The following SCEL variants were observed in gnomAD, a reference collection of about 807,000 sequenced individuals.
SCEL encodes the protein sciellin.
A neutral mutation model predicts 117.6 loss-of-function variants in SCEL; 113 were observed. The observed-to-expected ratio is 0.96, with a 90% CI of 0.83 to 1.12. The LOEUF (loss-of-function observed/expected upper bound fraction) is 1.12, where lower values mean the gene tolerates loss of function less well. SCEL is among the 50% of genes most tolerant of loss of function. The pLI, the probability that SCEL is intolerant of heterozygous loss-of-function variation, is 0.00. For synonymous variants in SCEL, 270 were observed against 256.2 expected, an observed-to-expected ratio of 1.05 and a Z score of -0.51; for missense variants, 785 against 810.8, an observed-to-expected ratio of 0.97 and a Z score of 0.39.
chr13:77,609,708 C>T (rs2088496718), intron 21 of SCEL, among the ~76,000 whole-genome samples: 1 of 152,208 alleles, frequency 6.6e-6, no homozygotes, highest in African/African-American at 2.4e-5. Context: ...TTCTGTGTCT[C>T]AGTTATTCCC....
At chr13:77,598,645 C>T (rs2087418227) in intron 13 of SCEL, among the ~76,000 whole-genome samples, 1 of 152,182 alleles carries the variant, frequency 6.6e-6, no homozygotes, top group African/African-American at 2.4e-5. Context: ...GACAGCAGGG[C>T]ATTCTCAGGA....
At chr13:77,644,109 C>A in intron 32 of SCEL, 149 bp from the exon 33 acceptor site, 1 of 808,498 alleles carries the variant, frequency 1.2e-6, no homozygotes, top group Non-Finnish European at 2.0e-6. Context: ...CACAGTATGA[C>A]CAAAAGCCAC....
intron 23 of SCEL, among the ~76,000 whole-genome samples, 181 bp from the exon 24 acceptor site, chr13:77,613,712 T>A (rs559681917): frequency 6.3e-4 from 96 of 152,068 alleles, no homozygotes; most frequent in African/African-American, 2.2e-3. Context: ...GGCGGTGGTA[T>A]TAATATTGAT....
chr13:77,594,999 G>T (rs1231023978), intron 12 of SCEL, among the ~76,000 whole-genome samples: 1 of 152,072 alleles, frequency 6.6e-6, no homozygotes, highest in East Asian at 1.9e-4. Flanking sequence ...TAATTTTATT[G>T]ATTTATTTCT....
Position 77,642,813 on chromosome 13 carries a change from G to C in SCEL, c.2050+5G>C. On this transcript the variant is annotated splice_donor_5th_base_variant and intron_variant, in intron 32 of 32. Transcript: ENST00000349847. ...CTTGCTACTCTAAAATTATGGGTAAGTGTTACACTCTAAGCATTTAACACT... is the reference window on the plus strand; with the variant it reads ...CTTGCTACTCTAAAATTATGGGTAACTGTTACACTCTAAGCATTTAACACT... 1 of 1,504,312 alleles carries C rather than the reference G, an allele frequency of 6.6e-7. No homozygotes were observed. Among genetic ancestry groups the C allele is most frequent in the Non-Finnish European group, 9.1e-7 (1 of 1,093,128 alleles). The allele number at this position is 1,504,312 out of a possible 1,614,324, so 93.2% of individuals were successfully genotyped here. A position where few individuals can be genotyped will look rare whatever the true frequency, so the allele number is the denominator to read the frequency against.
chr13:77,619,414 C>T (rs1338979043), intron 27 of SCEL, among the ~76,000 whole-genome samples: 1 of 152,168 alleles, frequency 6.6e-6, no homozygotes, highest in Non-Finnish European at 1.5e-5. Flanking sequence ...AAAGAAAGTA[C>T]ACCCTGGACT....
intron 8 of SCEL, among the ~76,000 whole-genome samples, chr13:77,571,302 T>C (rs2085601192): frequency 7.0e-6 from 1 of 143,614 alleles, no homozygotes; most frequent in Non-Finnish European, 1.5e-5. Flanking sequence ...GGCAGCAGAA[T>C]CGCGGAGGGC....
At chr13:77,599,600 G>A (rs1322485946) in intron 14 of SCEL, 89 bp from the exon 15 acceptor site, 1 of 1,019,646 alleles carries the variant, frequency 9.8e-7, no homozygotes, top group African/African-American at 1.6e-5. Context: ...GCAATTCATG[G>A]AGAATGTTTA....
At position 77,629,730 on chromosome 13, in the gene SCEL, C is replaced by G. The variant is rs552565522; in HGVS notation, c.1691+1721C>G. 4.6e-5 allele frequency among the ~76,000 whole-genome samples: 7 copies of G among 152,214 alleles called. No homozygotes were observed. The East Asian group carries it at 1.4e-3, about 29-fold the overall frequency. ...ACTTCAGAATGAAGACCCAAAGATA[C>G]AGGGGAAATTGTCCATTTAATACTT... is the stretch of plus-strand genomic sequence containing the variant. On this transcript the variant is annotated intron_variant, in intron 28 of 32. Transcript: ENST00000349847.
chr13:77,537,104 T>G (rs969474714), intron 1 of SCEL, among the ~76,000 whole-genome samples: 4 of 152,218 alleles, frequency 2.6e-5, no homozygotes, highest in Non-Finnish European at 4.4e-5. Flanking sequence ...ATGACAACAG[T>G]AAAAATTTTA....
chr13:77,581,951 C>G (rs1188651177), intron 9 of SCEL, among the ~76,000 whole-genome samples: 3 of 152,050 alleles, frequency 2.0e-5, no homozygotes, highest in East Asian at 3.9e-4. Context: ...GACTGGGAGG[C>G]AGGGAGGCCT....
chr13:77,583,469 C>A (rs531537507), intron 9 of SCEL, among the ~76,000 whole-genome samples: 16 of 152,316 alleles, frequency 1.1e-4, no homozygotes, highest in Non-Finnish European at 2.1e-4. Context: ...TGGACTACAT[C>A]TTTTCTAGTC....
At chr13:77,559,057 G>T (rs1428246288) in intron 3 of SCEL, among the ~76,000 whole-genome samples, 1 of 152,078 alleles carries the variant, frequency 6.6e-6, no homozygotes, top group Non-Finnish European at 1.5e-5. Flanking sequence ...TACATATGAA[G>T]GTCGATTGTA....
intron 28 of SCEL, among the ~76,000 whole-genome samples, chr13:77,633,442 C>CAAAAAAAAAAAAAAAA (rs59939208): frequency 1.7e-3 from 50 of 30,000 alleles, no homozygotes; most frequent in African/African-American, 2.9e-3. Flanking sequence ...GACTCCGCCT[C>CAAAAAAAAAAAAAAAA]AAAAAAAAAA....
At chr13:77,637,036 C>G in intron 29 of SCEL, 84 bp from the exon 30 acceptor site, 1 of 605,048 alleles carries the variant, frequency 1.7e-6, no homozygotes, top group South Asian at 1.8e-5. Context: ...TATTATGAGG[C>G]TTCATGAGGT....
chr13:77,643,157 T>C (rs1405211689), intron 32 of SCEL, among the ~76,000 whole-genome samples: 1 of 152,164 alleles, frequency 6.6e-6, no homozygotes, highest in African/African-American at 2.4e-5. Context: ...TGCACTTGAA[T>C]ATTGTATAAT....
intron 27 of SCEL, among the ~76,000 whole-genome samples, chr13:77,625,829 C>T (rs1017589202): frequency 9.2e-5 from 14 of 152,032 alleles, no homozygotes; most frequent in African/African-American, 3.1e-4. Flanking sequence ...TATTTGAACC[C>T]ACTATTTAGG....
At position 77,572,094 on chromosome 13, in the gene SCEL, A is replaced by G. The variant is rs760269599; in HGVS notation, c.480-30A>G. ...TGGGTGGGATCAGCCTTTCAATCAC[A>G]ATGTTTATTACCGTGTCATTTCTTA... On this transcript the variant is annotated intron_variant, in intron 8 of 32. Transcript: ENST00000349847. The G allele has an allele frequency of 1.4e-5, 22 of 1,594,450 alleles. No individual in the cohort carries two copies. In the East Asian group the frequency reaches 2.2e-4, roughly 16 times the overall value.
rs1343674207 is a variant in SCEL, at chr13:77,604,438, C to A, written c.1157+23C>A. On this transcript the variant is annotated intron_variant, in intron 19 of 32. Transcript: ENST00000349847. ...GAGGTAAGACATTTAAAGCTCCCCC[C>A]TCCCCTTTGTTTGGCATTTAGAAGG... is the stretch of plus-strand genomic sequence containing the variant. The A allele has an allele frequency of 1.2e-5, 18 of 1,553,248 alleles. 1 individual carries two copies. Among genetic ancestry groups the A allele is most frequent in the Non-Finnish European group, 1.6e-5 (18 of 1,155,960 alleles).
Sources: allele counts gnomAD v4.1 joint callset (sites outside exome capture counted in the v4.1 genomes callset), GRCh38; gene constraint gnomAD v4.1.1; transcripts MANE v1.5; gene names NCBI Gene and HGNC (gene_info 2026-07-23, HGNC 2026-07-21).